Variants in FBXL13 observed in about 807,000 individuals in gnomAD.
FBXL13 encodes F-box and leucine rich repeat protein 13.
In FBXL13, 67 loss-of-function variants were observed where a neutral mutation model predicts 83.6. That is an observed-to-expected ratio of 0.80 (90% CI 0.66 to 0.98). The LOEUF (loss-of-function observed/expected upper bound fraction) is 0.98. Ranked by LOEUF, FBXL13 falls within the 50% of genes least tolerant of loss-of-function variation. FBXL13 has a pLI of 0.00. For missense variants in FBXL13, 822 were observed against 866.5 expected, an observed-to-expected ratio of 0.95 and a Z score of 0.64; for synonymous variants, 272 against 299.5, an observed-to-expected ratio of 0.91 and a Z score of 0.95.
Position 102,822,285 on chromosome 7 carries a change from A to G in FBXL13, c.1855-82T>C, listed in dbSNP as rs1344134628. The G allele has an allele frequency of 4.0e-6, 5 of 1,263,882 alleles. 1 individual carries two copies. In the African/African-American group the frequency reaches 7.4e-5, roughly 19 times the overall value. The allele number at this position is 1,263,882 out of a possible 1,614,324, so 78.3% of individuals were successfully genotyped here. ...AGTGCCTTAGTCACTTTGGGCAACT[A>G]TAATAAACTACCACAGACTGTGGCT... On this transcript the variant is annotated intron_variant, in intron 18 of 19. Transcript: ENST00000313221.
intron 8 of FBXL13, among the ~76,000 whole-genome samples, chr7:102,937,943 G>A (rs964650725): frequency 6.6e-6 from 1 of 152,226 alleles, no homozygotes; most frequent in African/African-American, 2.4e-5. Context: ...CAATGAGTCA[G>A]ATGGTGTGTA....
At chr7:102,830,531 G>A (rs1341884387) in intron 18 of FBXL13, among the ~76,000 whole-genome samples, 28 of 152,148 alleles carry the variant, frequency 1.8e-4, no homozygotes, top group Admixed American at 1.8e-3. Flanking sequence ...AAGACATCTG[G>A]TTCCCCTAGT....
intron 10 of FBXL13, among the ~76,000 whole-genome samples, chr7:102,920,242 C>T (rs1816720145): frequency 6.6e-6 from 1 of 152,118 alleles, no homozygotes; most frequent in Admixed American, 6.5e-5. Flanking sequence ...TGTGTATGTA[C>T]CTTTCGAATA....
chr7:102,914,001 C>T (rs1312509703), intron 10 of FBXL13, among the ~76,000 whole-genome samples: 2 of 152,156 alleles, frequency 1.3e-5, no homozygotes, highest in African/African-American at 2.4e-5. Context: ...TGAGCCTGTA[C>T]TACCATACGA....
chr7:102,982,107 A>T (rs543058692), intron 6 of FBXL13, among the ~76,000 whole-genome samples: 1 of 152,158 alleles, frequency 6.6e-6, no homozygotes, highest in Non-Finnish European at 1.5e-5. Flanking sequence ...AGTTAGGGTC[A>T]ATTACTCCAC....
chr7:102,968,177 C>T (rs2129480895), intron 6 of FBXL13, 60 bp from the exon 8 acceptor site: 3 of 1,176,392 alleles, frequency 2.6e-6, no homozygotes, highest in South Asian at 1.2e-5. Context: ...AACTTGTCCA[C>T]TTACCTTTTG....
intron 6 of FBXL13, chr7:102,976,188 A>G (rs775737400): frequency 2.6e-6 from 2 of 764,366 alleles, no homozygotes; most frequent in South Asian, 2.7e-5. Context: ...CCCAGCAACT[A>G]CCATCGCTTC....
intron 1 of FBXL13, among the ~76,000 whole-genome samples, chr7:103,059,254 G>A (rs1585605529): frequency 6.6e-6 from 1 of 152,108 alleles, no homozygotes; most frequent in African/African-American, 2.4e-5. Flanking sequence ...CTGCAGCCTG[G>A]GTGGCAGAGA....
intron 2 of FBXL13, among the ~76,000 whole-genome samples, chr7:103,034,045 A>G (rs1243346958): frequency 1.3e-5 from 2 of 152,204 alleles, no homozygotes; most frequent in Non-Finnish European, 2.9e-5. Flanking sequence ...ACCCTGAGCT[A>G]GACACAGGGT....
chr7:103,059,390 A>G (rs573899021), intron 1 of FBXL13, among the ~76,000 whole-genome samples: 2 of 152,352 alleles, frequency 1.3e-5, no homozygotes, highest in South Asian at 4.1e-4. Flanking sequence ...CTACATGCCA[A>G]TAAGACAGCA....
At chr7:102,990,136 A>G (rs1451417910) in intron 6 of FBXL13, among the ~76,000 whole-genome samples, 3 of 152,256 alleles carry the variant, frequency 2.0e-5, no homozygotes, top group African/African-American at 7.2e-5. Flanking sequence ...TGCCGACACC[A>G]GAGAGTGGTG....
Position 102,967,789 on chromosome 7 carries a change from T to C in FBXL13, c.591+233A>G, listed in dbSNP as rs951375036. On this transcript the variant is annotated intron_variant, in intron 7 of 19. Transcript: ENST00000313221. ...TGTTTCAATCCAAAAATGATATTCA[T>C]TTATATCTACCATTTACATTTAAAA... Among the ~76,000 whole-genome samples the C allele has an allele frequency of 4.6e-5, 7 of 152,250 alleles. 1 individual carries two copies. The highest frequency in any genetic ancestry group is 1.7e-4 in the African/African-American group (7 of 41,466).
At chr7:102,903,669 A>G (rs944373470) in intron 11 of FBXL13, among the ~76,000 whole-genome samples, 4 of 151,784 alleles carry the variant, frequency 2.6e-5, no homozygotes, top group East Asian at 1.9e-4. Context: ...CTGCTCCATA[A>G]TGCTACGTTG....
chr7:103,016,163 T>G (rs1792284784), intron 6 of FBXL13, among the ~76,000 whole-genome samples: 1 of 152,072 alleles, frequency 6.6e-6, no homozygotes, highest in African/African-American at 2.4e-5. Context: ...AAAAACTATT[T>G]TAAAATTCAT....
intron 17 of FBXL13, among the ~76,000 whole-genome samples, chr7:102,838,879 C>T (rs1405229226): frequency 7.2e-5 from 11 of 152,106 alleles, no homozygotes; most frequent in Admixed American, 7.2e-4. Context: ...TGAAATATGG[C>T]CTCGTGGGAT....
chr7:102,949,087 C>T (rs1230232177), intron 8 of FBXL13, among the ~76,000 whole-genome samples: 1 of 152,068 alleles, frequency 6.6e-6, no homozygotes, highest in African/African-American at 2.4e-5. Context: ...CTGTTGTGTT[C>T]AATCAGCCAA....
intron 11 of FBXL13, among the ~76,000 whole-genome samples, chr7:102,897,586 T>A (rs1265301197): frequency 1.3e-5 from 2 of 152,188 alleles, no homozygotes; most frequent in African/African-American, 4.8e-5. Context: ...TATAATTAAA[T>A]CTGCTCTTGG....
intron 19 of FBXL13, among the ~76,000 whole-genome samples, chr7:102,815,669 G>A (rs1797899972): frequency 6.6e-6 from 1 of 152,058 alleles, no homozygotes; most frequent in African/African-American, 2.4e-5. Context: ...TTGTTTTAGG[G>A]AGTAAAAGAT....
chr7:102,910,921 G>C (rs1253285198), intron 11 of FBXL13, among the ~76,000 whole-genome samples: 1 of 152,084 alleles, frequency 6.6e-6, no homozygotes, highest in Non-Finnish European at 1.5e-5. Context: ...ACCATGCCTG[G>C]CCAATTTTTT....
Sources: allele counts gnomAD v4.1 joint callset (sites outside exome capture counted in the v4.1 genomes callset), GRCh38; gene constraint gnomAD v4.1.1; transcripts MANE v1.5; gene names NCBI Gene and HGNC (gene_info 2026-07-23, HGNC 2026-07-21).